LPIN3: variants seen among roughly 807,000 people sequenced by gnomAD.
LPIN3 encodes the protein lipin 3, also known as phosphatidate phosphatase LPIN3.
A neutral mutation model predicts 94.7 loss-of-function variants in LPIN3; 82 were observed. The observed-to-expected ratio is 0.87, with a 90% CI of 0.72 to 1.04. The LOEUF (loss-of-function observed/expected upper bound fraction) is 1.04, where lower values mean the gene tolerates loss of function less well. LPIN3 is among the 50% of genes least tolerant of loss of function. The pLI, the probability that LPIN3 is intolerant of heterozygous loss-of-function variation, is 0.00. For synonymous variants in LPIN3, 418 were observed against 443.3 expected, an observed-to-expected ratio of 0.94 and a Z score of 0.72; for missense variants, 996 against 1,090.5, an observed-to-expected ratio of 0.91 and a Z score of 1.22.
At chr20:41,355,009 T>G in intron 13 of LPIN3, 146 bp downstream of exon 13, 1 of 743,300 alleles carries the variant, frequency 1.3e-6, no homozygotes, top group Non-Finnish European at 2.1e-6. Flanking sequence ...AGCACTTCTT[T>G]TTTTGTTGTT....
intron 1 of LPIN3, among the ~76,000 whole-genome samples, chr20:41,341,279 G>A (rs954769336): frequency 1.3e-5 from 2 of 152,224 alleles, no homozygotes; most frequent in Admixed American, 1.3e-4. Context: ...GCCTGACTGT[G>A]TGACCTTGAG....
At chr20:41,350,642 G>A (rs1361309844) in intron 7 of LPIN3, among the ~76,000 whole-genome samples, 1 of 152,092 alleles carries the variant, frequency 6.6e-6, no homozygotes, top group Admixed American at 6.6e-5. Flanking sequence ...AGGCCCCTCC[G>A]AGAAGGTGAT....
chr20:41,357,384 T>G lies in LPIN3; in HGVS notation c.1976T>G (p.Leu659Arg). 1 of 1,614,052 alleles carries G rather than the reference T, an allele frequency of 6.2e-7. No individual in the cohort carries two copies. Among genetic ancestry groups the G allele is most frequent in the Non-Finnish European group, 8.5e-7 (1 of 1,179,976 alleles). The change falls in exon 16 of 20, where the codon CTG becomes CGG. Residue 659 changes from leucine (L) to arginine (R), a missense_variant. Coordinates refer to ENST00000373257, the MANE Select transcript of LPIN3 (RefSeq NM_022896.3). Reference protein sequence around the residue: ...ITKSDALGHILPQLGKDWTHQ... With the variant: ...ITKSDALGHIRPQLGKDWTHQ... ...AGGTCAGATGCTCTGGGCCATATCC[T>G]GCCCCAGCTGGGGAAAGACTGGACA...
At chr20:41,356,171 C>A in intron 14 of LPIN3, 137 bp downstream of exon 14, 1 of 1,269,292 alleles carries the variant, frequency 7.9e-7, no homozygotes, top group Non-Finnish European at 1.1e-6. Context: ...CCTTGGGAGC[C>A]TCCCTGATGG....
chr20:41,355,394 C>G (rs546520823), intron 13 of LPIN3, among the ~76,000 whole-genome samples: 6 of 152,194 alleles, frequency 3.9e-5, no homozygotes, highest in Non-Finnish European at 7.4e-5. Flanking sequence ...TCCTGGCCAA[C>G]AACCAGGAAA....
rs200870645 is a variant in LPIN3, at chr20:41,352,630, C to G, written c.1388C>G (p.Ser463Cys). 9.3e-6 allele frequency: 15 copies of G among 1,614,212 alleles called. No individual in the cohort carries two copies. In the East Asian group the frequency reaches 3.3e-4, roughly 36 times the overall value. The part of the protein sequence containing the change: ...SLEKFNQHSV[S>C]YQDLTKNPGL... Reference sequence around the variant, plus strand: ...GAGAAATTCAACCAGCACAGCGTCTCTTACCAGGACCTCACCAAAAACCCC... The same window carrying G: ...GAGAAATTCAACCAGCACAGCGTCTGTTACCAGGACCTCACCAAAAACCCC... Residue 463 changes from serine (S) to cysteine (C), a missense_variant, in exon 10 of 20, where the codon TCT (serine) becomes TGT (cysteine). By Grantham distance (112) the Ser-to-Cys change is moderately radical. Coordinates refer to ENST00000373257, the MANE Select transcript of LPIN3 (RefSeq NM_022896.3).
intron 7 of LPIN3, 43 bp from the exon 8 acceptor site, chr20:41,351,778 G>A: frequency 6.3e-7 from 1 of 1,585,634 alleles, no homozygotes; most frequent in Non-Finnish European, 8.7e-7. Context: ...CCACACTGCT[G>A]AGCACATGTC....
intron 11 of LPIN3, among the ~76,000 whole-genome samples, chr20:41,353,675 A>C (rs1423229870): frequency 6.6e-6 from 1 of 152,170 alleles, no homozygotes; most frequent in Non-Finnish European, 1.5e-5. Flanking sequence ...CTCATGGAGG[A>C]TGGTGCCCTC....
Position 41,357,022 on chromosome 20 carries a change from C to A in LPIN3, c.1804-18C>A, listed in dbSNP as rs779506322. 6 of 1,606,656 alleles carry A rather than the reference C, an allele frequency of 3.7e-6. No homozygotes were observed. The highest frequency in any genetic ancestry group is 1.1e-5 in the South Asian group (1 of 90,820). On this transcript the variant is annotated intron_variant, in intron 14 of 19. Coordinates refer to ENST00000373257, the MANE Select transcript of LPIN3 (RefSeq NM_022896.3). ...GGCTGTCATCAATCACGACACACCC[C>A]CCTTTGTCTGGCCTCAGCGGCGCCT... is the stretch of plus-strand genomic sequence containing the variant.
At chr20:41,357,649 C>T (rs538445819) in intron 16 of LPIN3, among the ~76,000 whole-genome samples, 132 of 152,350 alleles carry the variant, frequency 8.7e-4, no homozygotes, top group African/African-American at 3.0e-3. Context: ...TCAGGGCCCA[C>T]CTACTGGCCT....
In LPIN3 at chr20:41,345,855, C is replaced by T. The variant is rs372455946; in HGVS notation, c.52C>T (p.Leu18=). The T allele has an allele frequency of 1.7e-5, 27 of 1,614,208 alleles. No individual in the cohort carries two copies. In the African/African-American group the frequency reaches 3.2e-4, roughly 19 times the overall value. The change falls in exon 2 of 20, where the codon CTG becomes TTG. Residue 18 remains leucine, a synonymous_variant. Coordinates refer to ENST00000373257, the MANE Select transcript of LPIN3 (RefSeq NM_022896.3). ...AETVFGTVKE[L]YRGLNPATLS... The stretch of plus-strand genomic sequence containing the variant: ...GACGGTGTTTGGGACGGTGAAGGAG[C>T]TGTACCGGGGCCTGAACCCAGCCAC...
chr20:41,347,120 C>T (rs2045807645), intron 2 of LPIN3, among the ~76,000 whole-genome samples: 1 of 152,170 alleles, frequency 6.6e-6, no homozygotes, highest in South Asian at 2.1e-4. Flanking sequence ...AAACACTCCA[C>T]AAAGGGCCAG....
At position 41,343,707 on chromosome 20, in the gene LPIN3, A is replaced by G. The variant is rs550788255; in HGVS notation, c.-8-2089A>G. ...GAGTAGACTGTGGACTGGGAACACA[A>G]AAGCAGTTCCTTTCAAACACATGAA... On this transcript the variant is annotated intron_variant, in intron 1 of 19. Coordinates refer to ENST00000373257, the MANE Select transcript of LPIN3 (RefSeq NM_022896.3). 2.5e-4 allele frequency among the ~76,000 whole-genome samples: 38 copies of G among 152,354 alleles called. No homozygotes were observed. In the South Asian group the frequency reaches 7.0e-3, roughly 28 times the overall value.
chr20:41,342,804 T>A (rs566849014), intron 1 of LPIN3, among the ~76,000 whole-genome samples: 1 of 151,968 alleles, frequency 6.6e-6, no homozygotes, highest in East Asian at 1.9e-4. Flanking sequence ...AGGAGAGAAT[T>A]CTGGACTCCC....
rs771824484 is a variant in LPIN3, at chr20:41,351,850, C to G, written c.1132C>G (p.Pro378Ala). The change falls in exon 8 of 20, where the codon CCC becomes GCC. Residue 378 changes from proline (P) to alanine (A), a missense_variant. Physicochemically the swap from Pro to Ala is conservative, Grantham distance 27. Transcript: ENST00000373257. Reference sequence around the variant, plus strand: ...CCCAAAGAGAAGCCAGCACCTGGGCCCCAGTGACATCTACCTGGATGACTT... The same window carrying G: ...CCCAAAGAGAAGCCAGCACCTGGGCGCCAGTGACATCTACCTGGATGACTT... ...GSPKRSQHLG[P>A]SDIYLDDLPS... The G allele has an allele frequency of 6.2e-6, 10 of 1,614,186 alleles. No individual in the cohort carries two copies. The South Asian group carries it at 7.7e-5, about 12-fold the overall frequency.
Position 41,356,088 on chromosome 20 carries a change from T to C in LPIN3, c.1803+54T>C. 4 of 1,591,244 alleles carry C rather than the reference T, an allele frequency of 2.5e-6. No homozygotes were observed. In the Admixed American group the frequency reaches 5.1e-5, roughly 20 times the overall value. ...GGGGAGGGGCTGAGCTAATTCTGTC[T>C]TAGAGTCCCTCAGGACCTGGCTGAG... On this transcript the variant is annotated intron_variant, in intron 14 of 19. Coordinates refer to ENST00000373257, the MANE Select transcript of LPIN3 (RefSeq NM_022896.3).
At position 41,347,567 on chromosome 20, in the gene LPIN3, A is replaced by G; in HGVS notation, c.208A>G (p.Asn70Asp). 6.2e-7 allele frequency: 1 copy of G among 1,613,674 alleles called. No homozygotes were observed. The change falls in exon 3 of 20, where the codon AAT becomes GAT. Residue 70 changes from asparagine to aspartate, a missense_variant. By Grantham distance (23) the Asn-to-Asp change is conservative. Coordinates refer to ENST00000373257, the MANE Select transcript of LPIN3 (RefSeq NM_022896.3). ...SREKVVDIELNGEPVDLHMKL... is the reference protein window; with the variant it reads ...SREKVVDIELDGEPVDLHMKL... ...CCATTTGCAGGTAGACATTGAGCTCAATGGGGAGCCTGTGGACTTGCACAT... is the reference window on the plus strand; with the variant it reads ...CCATTTGCAGGTAGACATTGAGCTCGATGGGGAGCCTGTGGACTTGCACAT...
intron 2 of LPIN3, among the ~76,000 whole-genome samples, chr20:41,347,187 A>G (rs73267549): frequency 0.064 from 9,722 of 152,284 alleles, 1,031 homozygotes; most frequent in African/African-American, 0.22. Context: ...CTGGGGACAC[A>G]GCGATCACAA....
chr20:41,352,544 G>A, intron 9 of LPIN3, 62 bp from the exon 10 acceptor site: 1 of 1,415,624 alleles, frequency 7.1e-7, no homozygotes, highest in Admixed American at 1.7e-5. Flanking sequence ...GCACCAGGGG[G>A]CTGGGGCAGC....
Sources: gnomAD v4.1 joint callset for allele counts (sites outside exome capture counted in the v4.1 genomes callset) on GRCh38, gnomAD v4.1.1 for gene constraint, MANE v1.5 for transcripts, NCBI Gene and HGNC (gene_info 2026-07-23, HGNC 2026-07-21) for gene names.